Variants in GRAMD1B observed in about 807,000 individuals in gnomAD.
GRAMD1B encodes the protein GRAM domain containing 1B, also known as protein Aster-B.
A neutral mutation model predicts 99.7 loss-of-function variants in GRAMD1B; 37 were observed. The observed-to-expected ratio is 0.37, with a 90% CI of 0.29 to 0.49. The LOEUF is 0.49. GRAMD1B is among the 20% of genes least tolerant of loss of function. The probability of loss-of-function intolerance (pLI) is 0.98; values close to 1 mark genes in which losing one functional copy is unlikely to be tolerated. For missense variants in GRAMD1B, 888 were observed against 1,009.2 expected (o/e 0.88, Z 1.63); for synonymous variants, 427 against 387.6 (o/e 1.10, Z -1.19).
At chr11:123,489,978 A>G (rs1382458207) in intron 2 of GRAMD1B, among the ~76,000 whole-genome samples, 2 of 152,168 alleles carry the variant, frequency 1.3e-5, no homozygotes, top group East Asian at 3.9e-4. Context: ...GGAGTTTCAG[A>G]CTAGCCTGGG....
intron 2 of GRAMD1B, among the ~76,000 whole-genome samples, chr11:123,488,647 G>A (rs1938165312): frequency 1.4e-5 from 2 of 139,844 alleles, no homozygotes; most frequent in Admixed American, 7.0e-5. Context: ...GCCACCCCAC[G>A]GCCCTGACTG....
At chr11:123,483,487 A>G (rs1951726192) in intron 2 of GRAMD1B, among the ~76,000 whole-genome samples, 1 of 151,074 alleles carries the variant, frequency 6.6e-6, no homozygotes, top group Non-Finnish European at 1.5e-5. Context: ...CTAGGGTTCA[A>G]GTGATTTTCC....
At chr11:123,483,142 A>G (rs1358903875) in intron 2 of GRAMD1B, among the ~76,000 whole-genome samples, 4 of 152,118 alleles carry the variant, frequency 2.6e-5, no homozygotes, top group Admixed American at 2.0e-4. Flanking sequence ...GAAGTCAGTG[A>G]GAAGGATTGC....
intron 1 of GRAMD1B, among the ~76,000 whole-genome samples, chr11:123,365,045 G>A (rs570778714): frequency 6.1e-4 from 93 of 152,060 alleles, no homozygotes; most frequent in Middle Eastern, 3.4e-3. Context: ...TGCTTACAGC[G>A]CTATTCTGTT....
chr11:123,473,623 G>T (rs1185984455), intron 1 of GRAMD1B, among the ~76,000 whole-genome samples: 1 of 152,150 alleles, frequency 6.6e-6, no homozygotes, highest in African/African-American at 2.4e-5. Flanking sequence ...GAGCTAGGAA[G>T]ATATTTAGCT....
intron 1 of GRAMD1B, among the ~76,000 whole-genome samples, chr11:123,421,386 C>A (rs1948429566): frequency 6.6e-6 from 1 of 152,176 alleles, no homozygotes; most frequent in Non-Finnish European, 1.5e-5. Flanking sequence ...TAATTATTCT[C>A]AGAGGTCAAA....
chr11:123,512,703 CTTTT>C (rs766565214), intron 2 of GRAMD1B, among the ~76,000 whole-genome samples: 4 of 103,008 alleles, frequency 3.9e-5, no homozygotes, highest in Non-Finnish European at 5.6e-5. Flanking sequence ...CATTGTGAAT[CTTTT>C]TTTTTTTTTT....
intron 1 of GRAMD1B, among the ~76,000 whole-genome samples, chr11:123,360,328 C>A (rs1946096250): frequency 6.6e-6 from 1 of 152,208 alleles, no homozygotes; most frequent in Non-Finnish European, 1.5e-5. Flanking sequence ...ACCTTCACTG[C>A]AGCTTAGAGC....
At chr11:123,618,205 T>C in intron 17 of GRAMD1B, 2 of 727,616 alleles carry the variant, frequency 2.7e-6, no homozygotes, top group South Asian at 1.6e-5. Flanking sequence ...TCTCATCCAT[T>C]GTGTCTTTGC....
chr11:123,417,663 G>T (rs780527083), intron 1 of GRAMD1B, among the ~76,000 whole-genome samples: 8 of 152,132 alleles, frequency 5.3e-5, no homozygotes, highest in Admixed American at 2.0e-4. Flanking sequence ...CAGGCTGGGC[G>T]CAATGGCCCA....
chr11:123,498,033 G>A (rs897112001), intron 2 of GRAMD1B, among the ~76,000 whole-genome samples: 1 of 152,176 alleles, frequency 6.6e-6, no homozygotes, highest in Admixed American at 6.6e-5. Flanking sequence ...GCCAACAGGG[G>A]GTTTTGCCAG....
intron 2 of GRAMD1B, among the ~76,000 whole-genome samples, chr11:123,575,662 C>T (rs748624979): frequency 1.3e-5 from 2 of 152,182 alleles, no homozygotes; most frequent in East Asian, 1.9e-4. Flanking sequence ...CTGCTCTCCA[C>T]GCTTCCCCAG....
chr11:123,445,384 G>A (rs1949591020), intron 1 of GRAMD1B, among the ~76,000 whole-genome samples: 1 of 152,160 alleles, frequency 6.6e-6, no homozygotes, highest in Non-Finnish European at 1.5e-5. Context: ...GGATGGAATG[G>A]CAACCGTAAA....
At chr11:123,603,205 A>C (rs1952210848) in intron 8 of GRAMD1B, among the ~76,000 whole-genome samples, 1 of 152,214 alleles carries the variant, frequency 6.6e-6, no homozygotes, top group African/African-American at 2.4e-5. Context: ...TGGGCACTGA[A>C]AGGCCAGTTC....
intron 2 of GRAMD1B, among the ~76,000 whole-genome samples, chr11:123,542,203 C>G (rs756821362): frequency 3.3e-5 from 5 of 152,186 alleles, no homozygotes; most frequent in Admixed American, 1.3e-4. Context: ...CAACATTCCA[C>G]ATATGTCTTG....
At chr11:123,554,107 TGTA>T (rs2135906342) in intron 2 of GRAMD1B, among the ~76,000 whole-genome samples, 1 of 152,332 alleles carries the variant, frequency 6.6e-6, no homozygotes, top group East Asian at 1.9e-4. Flanking sequence ...CTGTTTACTC[TGTA>T]TGTGATCTGG....
chr11:123,589,614 T>TTTTATATATATA (rs762751523), intron 4 of GRAMD1B, among the ~76,000 whole-genome samples: 25 of 128,270 alleles, frequency 1.9e-4, no homozygotes, highest in African/African-American at 8.8e-4. Context: ...TGGCTAATTT[T>TTTTATATATATA]TATATATATA....
chr11:123,478,258 G>C (rs180688728), intron 1 of GRAMD1B, among the ~76,000 whole-genome samples: 1 of 152,024 alleles, frequency 6.6e-6, no homozygotes, highest in East Asian at 1.9e-4. Flanking sequence ...GCGATCCTCC[G>C]GTCTCAGCCT....
At chr11:123,456,117 G>A (rs1459817570) in intron 1 of GRAMD1B, among the ~76,000 whole-genome samples, 3 of 152,198 alleles carry the variant, frequency 2.0e-5, no homozygotes, top group African/African-American at 4.8e-5. Flanking sequence ...GGAGGTTGCA[G>A]TGAGCCAAGA....
Sources: allele counts gnomAD v4.1 joint callset (sites outside exome capture counted in the v4.1 genomes callset), GRCh38; gene constraint gnomAD v4.1.1; transcripts MANE v1.5; gene names NCBI Gene and HGNC (gene_info 2026-07-23, HGNC 2026-07-21).